Variants in EXOC4 observed in about 807,000 individuals in gnomAD.
EXOC4 encodes the protein exocyst complex component 4, also known as SEC8-like 1.
In EXOC4, 71 loss-of-function variants were observed where a neutral mutation model predicts 107.2. That is an observed-to-expected ratio of 0.66 (90% confidence interval 0.55 to 0.81). The LOEUF (loss-of-function observed/expected upper bound fraction) is 0.81, where lower values mean the gene tolerates loss of function less well. Ranked by LOEUF, EXOC4 falls within the 30% of genes least tolerant of loss-of-function variation. The pLI is 0.00. For synonymous variants in EXOC4, 456 were observed against 441.2 expected, an observed-to-expected ratio of 1.03 and a Z score of -0.42; for missense variants, 1,108 against 1,189.6, an observed-to-expected ratio of 0.93 and a Z score of 1.01.
rs372455972 is a variant in EXOC4 at position 133,810,929 on chromosome 7, G to A, written c.1515-6396G>A. ...ATTACAGGTATGAGCTACCGCGCCC[G>A]GCCAGATCCATGCTTTAAACATTTG... is the stretch of plus-strand genomic sequence containing the variant. On this transcript the variant is annotated intron_variant, in intron 10 of 17. Coordinates refer to ENST00000253861, the MANE Select transcript of EXOC4 (RefSeq NM_021807.4). 1.6e-4 allele frequency among the ~76,000 whole-genome samples: 25 copies of A among 152,146 alleles called. No individual in the cohort carries two copies. In the East Asian group the frequency reaches 2.7e-3, roughly 16 times the overall value.
chr7:133,291,032 T>C (rs1332312461), intron 3 of EXOC4: 2 of 151,926 alleles, frequency 1.3e-5, no homozygotes, highest in Non-Finnish European at 2.9e-5. Context: ...AAGAAAATAA[T>C]CTTTTTTTTT....
intron 17 of EXOC4, among the ~76,000 whole-genome samples, chr7:134,050,112 C>T (rs1368776689): frequency 6.6e-6 from 1 of 152,058 alleles, no homozygotes; most frequent in Admixed American, 6.6e-5. Context: ...TATATACACA[C>T]ACACATTCAA....
intron 12 of EXOC4, among the ~76,000 whole-genome samples, chr7:133,900,929 G>A (rs1799437906): frequency 6.6e-6 from 1 of 152,078 alleles, no homozygotes; most frequent in Non-Finnish European, 1.5e-5. Flanking sequence ...GAGTGCGGTG[G>A]CACGATCTCA....
At chr7:133,686,187 C>T (rs1284103568) in intron 10 of EXOC4, among the ~76,000 whole-genome samples, 1 of 152,128 alleles carries the variant, frequency 6.6e-6, no homozygotes, top group Non-Finnish European at 1.5e-5. Flanking sequence ...AAAGTCCTCA[C>T]CAGATGTAGC....
intron 10 of EXOC4, among the ~76,000 whole-genome samples, chr7:133,639,472 T>G (rs1802799178): frequency 6.6e-6 from 1 of 152,174 alleles, no homozygotes; most frequent in Non-Finnish European, 1.5e-5. Flanking sequence ...TCTTTTTTAT[T>G]TTCCTTTTGT....
intron 7 of EXOC4, among the ~76,000 whole-genome samples, chr7:133,392,073 T>C (rs1796865419): frequency 6.6e-6 from 1 of 152,240 alleles, no homozygotes; most frequent in Non-Finnish European, 1.5e-5. Flanking sequence ...GGAACATTTC[T>C]GCAGTGAGAA....
chr7:133,483,087 A>G (rs1460882582), intron 9 of EXOC4, among the ~76,000 whole-genome samples: 2 of 152,228 alleles, frequency 1.3e-5, no homozygotes, highest in East Asian at 3.9e-4. Flanking sequence ...TGAGTTTGCC[A>G]CGAAACTATA....
At chr7:133,885,982 C>G (rs970007893) in intron 11 of EXOC4, among the ~76,000 whole-genome samples, 1 of 152,028 alleles carries the variant, frequency 6.6e-6, no homozygotes, top group Non-Finnish European at 1.5e-5. Flanking sequence ...TAGGAAGGAT[C>G]GAGAAGTAAG....
At chr7:133,801,049 C>T (rs2542268) in intron 10 of EXOC4, among the ~76,000 whole-genome samples, 132,104 of 152,152 alleles carry the variant, frequency 0.87, 57,500 homozygotes, top group East Asian at 0.99. Flanking sequence ...AGCACAGATA[C>T]GTCCTCTATA....
intron 17 of EXOC4, among the ~76,000 whole-genome samples, chr7:134,061,435 G>A (rs61418822): frequency 0.02 from 3,026 of 152,258 alleles, 81 homozygotes; most frequent in African/African-American, 0.063. Flanking sequence ...TGACTGAGTC[G>A]TGGCTGGTTC....
At chr7:133,930,395 A>G (rs1469955495) in intron 13 of EXOC4, 3 of 152,198 alleles carry the variant, frequency 2.0e-5, no homozygotes, top group African/African-American at 7.2e-5. Flanking sequence ...TCTTTTTCCA[A>G]ACTCATAGAG....
intron 9 of EXOC4, among the ~76,000 whole-genome samples, chr7:133,502,055 A>T (rs1002771702): frequency 8.5e-5 from 13 of 152,180 alleles, no homozygotes; most frequent in African/African-American, 3.1e-4. Context: ...GCCGCAATTA[A>T]CACTCGAGGA....
At chr7:133,769,091 G>A (rs1348216707) in intron 10 of EXOC4, among the ~76,000 whole-genome samples, 1 of 151,866 alleles carries the variant, frequency 6.6e-6, no homozygotes, top group Non-Finnish European at 1.5e-5. Context: ...TTCATTGAGT[G>A]TTTATCACAA....
chr7:133,475,939 C>T (rs916301699), intron 8 of EXOC4, among the ~76,000 whole-genome samples: 1 of 151,946 alleles, frequency 6.6e-6, no homozygotes, highest in Non-Finnish European at 1.5e-5. Flanking sequence ...CTAATTATAA[C>T]CTTAGTTAAC....
intron 9 of EXOC4, among the ~76,000 whole-genome samples, chr7:133,504,810 A>T (rs1016586910): frequency 6.6e-6 from 1 of 152,116 alleles, no homozygotes; most frequent in Non-Finnish European, 1.5e-5. Context: ...TCCACTTCCC[A>T]TCTGAATACT....
chr7:133,312,109 T>C (rs1265710881), intron 4 of EXOC4, among the ~76,000 whole-genome samples: 5 of 152,188 alleles, frequency 3.3e-5, no homozygotes, highest in African/African-American at 9.6e-5. Flanking sequence ...TAACAAGATA[T>C]TCATTGTGAC....
At chr7:133,781,931 T>C (rs1347544990) in intron 10 of EXOC4, among the ~76,000 whole-genome samples, 8 of 143,320 alleles carry the variant, frequency 5.6e-5, no homozygotes, top group Non-Finnish European at 1.2e-4. Context: ...GTTTTTATTG[T>C]GTCAGAACCA....
intron 12 of EXOC4, among the ~76,000 whole-genome samples, chr7:133,915,078 A>G (rs1585245040): frequency 6.6e-6 from 1 of 152,226 alleles, no homozygotes; most frequent in Admixed American, 6.5e-5. Flanking sequence ...AAATTTTTCA[A>G]AAAGCAGTAG....
At chr7:133,520,815 G>A (rs1202889198) in intron 9 of EXOC4, among the ~76,000 whole-genome samples, 3 of 149,980 alleles carry the variant, frequency 2.0e-5, no homozygotes, top group Non-Finnish European at 3.0e-5. Flanking sequence ...TTTCTCTATC[G>A]CCTTCTCCAC....
Sources: allele counts gnomAD v4.1 joint callset (sites outside exome capture counted in the v4.1 genomes callset), GRCh38; gene constraint gnomAD v4.1.1; transcripts MANE v1.5; gene names NCBI Gene and HGNC (gene_info 2026-07-23, HGNC 2026-07-21).